Variants in BANP observed in about 807,000 individuals in gnomAD.
BANP encodes the protein BTG3 associated nuclear protein.
Under a neutral mutation model 68.1 loss-of-function variants are expected in BANP, and 11 were observed. The ratio of observed to expected loss-of-function variants is 0.16; its 90% confidence interval spans 0.10 to 0.27. The LOEUF (loss-of-function observed/expected upper bound fraction) is 0.27, where lower values mean the gene tolerates loss of function less well. Ranked by LOEUF, BANP falls within the 10% of genes least tolerant of loss-of-function variation. The pLI, the probability that BANP is intolerant of heterozygous loss-of-function variation, is 1.00. For synonymous variants in BANP, 329 were observed against 303.2 expected, an observed-to-expected ratio of 1.09 and a Z score of -0.88; for missense variants, 504 against 722.7, an observed-to-expected ratio of 0.70 and a Z score of 3.47.
chr16:88,067,461 C>T (rs1380927768), intron 12 of BANP, among the ~76,000 whole-genome samples: 6 of 152,162 alleles, frequency 3.9e-5, no homozygotes, highest in East Asian at 1.9e-4. Context: ...CGCCCTGAGA[C>T]GGGACCCAGG....
At chr16:88,012,176 C>G (rs2073326264) in intron 6 of BANP, among the ~76,000 whole-genome samples, 1 of 152,228 alleles carries the variant, frequency 6.6e-6, no homozygotes, top group Non-Finnish European at 1.5e-5. Context: ...CGTCCTGGCG[C>G]TGGAAGCATT....
intron 2 of BANP, among the ~76,000 whole-genome samples, chr16:87,977,515 A>G (rs1422399812): frequency 6.6e-6 from 1 of 152,150 alleles, no homozygotes; most frequent in Non-Finnish European, 1.5e-5. Flanking sequence ...GCGCAGCTGC[A>G]GGTACCTTGA....
chr16:88,034,832 C>T (rs2078966552), intron 9 of BANP, among the ~76,000 whole-genome samples: 1 of 152,208 alleles, frequency 6.6e-6, no homozygotes, highest in South Asian at 2.1e-4. Flanking sequence ...ACCCATGCTT[C>T]CACTTTCCCA....
chr16:88,052,959 C>A (rs1180024573), intron 11 of BANP, among the ~76,000 whole-genome samples: 1 of 151,662 alleles, frequency 6.6e-6, no homozygotes, highest in Non-Finnish European at 1.5e-5. Flanking sequence ...TCACCACTAT[C>A]ATCTCCATCA....
Position 88,048,855 on chromosome 16 carries a change from T to C in BANP, c.1311+10844T>C, listed in dbSNP as rs2082606835. ...TTCTAACAGTGTTCTCGGTATCGAA[T>C]TGGCGCTCACCACAGATTCTGACCT... is the stretch of plus-strand genomic sequence containing the variant. On this transcript the variant is annotated intron_variant, in intron 11 of 13. Transcript: ENST00000682872. Among the ~76,000 whole-genome samples the C allele has an allele frequency of 1.3e-5, 2 of 152,192 alleles. 1 individual carries two copies. The highest frequency in any genetic ancestry group is 4.2e-4 in the South Asian group (2 of 4,818).
Position 88,064,900 on chromosome 16 carries a change from G to A in BANP, c.1312-367G>A, listed in dbSNP as rs927736106. ...CCCAGTGGCCTCCAGGGGAACACGA[G>A]TCATAGAGGACATTTCATTTTTTTT... On this transcript the variant is annotated intron_variant, in intron 11 of 13. Coordinates refer to ENST00000682872, the MANE Select transcript of BANP (RefSeq NM_001386991.1). This position sits in a 1 kb window ranked among gnomAD's most constrained non-coding sequence, Gnocchi z 4.5. Among the ~76,000 whole-genome samples the A allele has an allele frequency of 3.9e-5, 6 of 152,244 alleles. No homozygotes were observed. Among genetic ancestry groups the A allele is most frequent in the Admixed American group, 6.5e-5 (1 of 15,292 alleles).
intron 7 of BANP, 84 bp from the exon 8 acceptor site, chr16:88,027,399 G>C: frequency 1.2e-5 from 18 of 1,514,612 alleles, no homozygotes; most frequent in Non-Finnish European, 1.6e-5. Context: ...GGCCTCTTCA[G>C]CGGGCCCCGG....
chr16:87,950,580 C>G (rs1008912573), upstream of BANP: 2 of 152,032 alleles, frequency 1.3e-5, no homozygotes, highest in Non-Finnish European at 2.9e-5. Flanking sequence ...GATTACAAGG[C>G]GCCCGCCACC....
chr16:87,973,457 C>A (rs888473676), intron 1 of BANP, among the ~76,000 whole-genome samples: 1 of 152,180 alleles, frequency 6.6e-6, no homozygotes, highest in Non-Finnish European at 1.5e-5. Context: ...AAATTGTTAT[C>A]CCCAAGAAAT....
chr16:87,983,511 G>T (rs1356337282), intron 3 of BANP, among the ~76,000 whole-genome samples: 2 of 152,168 alleles, frequency 1.3e-5, no homozygotes, highest in Non-Finnish European at 2.9e-5. Flanking sequence ...AGCCGGAAAG[G>T]TCAGACGTGG....
intron 1 of BANP, among the ~76,000 whole-genome samples, chr16:87,974,536 G>C (rs1341984426): frequency 6.6e-6 from 1 of 152,202 alleles, no homozygotes; most frequent in African/African-American, 2.4e-5. Context: ...ACGGAGTATG[G>C]GTTGTAGTCT....
At chr16:88,073,950 C>G (rs2091030958) in intron 13 of BANP, among the ~76,000 whole-genome samples, 2 of 152,252 alleles carry the variant, frequency 1.3e-5, no homozygotes, top group Non-Finnish European at 2.9e-5. Flanking sequence ...AGACGGCGTG[C>G]TTAAGGGGCC....
chr16:88,075,238 C>T lies in BANP; in HGVS notation c.1522-1352C>T, dbSNP rs577305050. ...GCAGGTGCCTGTAATCCCAGCTGCT[C>T]GGGAGGCTGAGGCAGGAGAACTGCT... On this transcript the variant is annotated intron_variant, in intron 13 of 13. Transcript: ENST00000682872. Among the ~76,000 whole-genome samples the T allele has an allele frequency of 3.3e-5, 5 of 152,158 alleles. No homozygotes were observed. In the South Asian group the frequency reaches 1.0e-3, roughly 32 times the overall value.
rs1231281787 is a variant in BANP at position 88,036,478 on chromosome 16, C to T, written c.1272+1084C>T. ...AGCCTCCTGCCCAAGTGCCCGTGAGCAAGACTGTGGACACATGCACGCCGT... is the reference window on the plus strand; with the variant it reads ...AGCCTCCTGCCCAAGTGCCCGTGAGTAAGACTGTGGACACATGCACGCCGT... On this transcript the variant is annotated intron_variant, in intron 10 of 13. Transcript: ENST00000682872. The surrounding 1 kb of genome is among the most constrained non-coding windows in gnomAD (Gnocchi z 4.2). 6.6e-6 allele frequency among the ~76,000 whole-genome samples: 1 copy of T among 152,118 alleles called. No homozygotes were observed. The highest frequency in any genetic ancestry group is 6.5e-5 in the Admixed American group (1 of 15,274).
At chr16:87,949,670 G>T (rs900654888), upstream of BANP, 3 of 152,104 alleles carry the variant, frequency 2.0e-5, no homozygotes, top group Non-Finnish European at 4.4e-5. Context: ...GCTCCTCCTT[G>T]GAGTGTTTGT....
At chr16:87,963,674 T>TA (rs1296222942) in intron 1 of BANP, among the ~76,000 whole-genome samples, 1 of 152,226 alleles carries the variant, frequency 6.6e-6, no homozygotes, top group Admixed American at 6.5e-5. Flanking sequence ...AAAAACCCGT[T>TA]ACGTTGTGAC....
At chr16:87,975,232 TCAAAAAC>T (rs1489488027) in intron 2 of BANP, 47 bp downstream of exon 2, 1 of 1,578,364 alleles carries the variant, frequency 6.3e-7, no homozygotes, top group Non-Finnish European at 8.7e-7. Context: ...TCTTTATTCT[TCAAAAAC>T]CAAAAGCTGC....
chr16:88,033,305 G>A (rs2063325893), intron 9 of BANP, 60 bp downstream of exon 9: 6 of 1,440,000 alleles, frequency 4.2e-6, no homozygotes, highest in Non-Finnish European at 5.6e-6. Flanking sequence ...GCCACGGCAG[G>A]GCCATGGCGG....
intron 11 of BANP, among the ~76,000 whole-genome samples, chr16:88,053,796 C>A (rs2084066881): frequency 6.7e-6 from 1 of 150,372 alleles, no homozygotes; most frequent in Non-Finnish European, 1.5e-5. Flanking sequence ...CCACTACCAC[C>A]ACCACCTCTA....
Sources: gnomAD v4.1 joint callset for allele counts (sites outside exome capture counted in the v4.1 genomes callset) on GRCh38, gnomAD v4.1.1 for gene constraint, Gnocchi (gnomAD v3.1) non-coding constraint, MANE v1.5 for transcripts, NCBI Gene and HGNC (gene_info 2026-07-23, HGNC 2026-07-21) for gene names.